CLEC3A: variants seen among roughly 807,000 people sequenced by gnomAD.
The protein encoded by CLEC3A is C-type (calcium dependent, carbohydrate-recognition domain) lectin, superfamily member 1 (cartilage-derived).
Under a neutral mutation model 20.4 loss-of-function variants are expected in CLEC3A, and 28 were observed. The ratio of observed to expected loss-of-function variants is 1.37; its 90% CI spans 1.02 to 1.88. The LOEUF is 1.88. CLEC3A is among the 40% of genes most tolerant of loss of function. The pLI is 0.00. For missense variants in CLEC3A, 357 were observed against 240.4 expected (o/e 1.48, Z -3.21); for synonymous variants, 110 against 88.1 (o/e 1.25, Z -1.39).
In CLEC3A at chr16:78,028,191, G is replaced by T; in HGVS notation, c.199+1G>T. The T allele has an allele frequency of 6.2e-7, 1 of 1,603,400 alleles. No homozygotes were observed. The highest frequency in any genetic ancestry group is 8.5e-7 in the Non-Finnish European group (1 of 1,176,834). ...AAGGAAATTCAAGCCCTGCAGACAGGTAAGGTGCAGACCTTCTCAGTGCCT... is the reference window on the plus strand; with the variant it reads ...AAGGAAATTCAAGCCCTGCAGACAGTTAAGGTGCAGACCTTCTCAGTGCCT... On this transcript the variant is annotated splice_donor_variant, in intron 2 of 2. Coordinates refer to ENST00000299642, the MANE Select transcript of CLEC3A (RefSeq NM_005752.6). LOFTEE classifies it high-confidence loss of function.
rs1301632469 is a variant in CLEC3A at position 78,022,665 on chromosome 16, C to T, written c.39C>T (p.Ile13=). 1.2e-6 allele frequency: 2 copies of T among 1,614,118 alleles called. No individual in the cohort carries two copies. The change falls in exon 1 of 3, where the codon ATC becomes ATT. Residue 13 remains isoleucine, a synonymous_variant. Transcript: ENST00000299642. ...GACTTGTAATTTGCATCCTGGTGAT[C>T]ACCTTACTCCTGGACCAGACCACCA... ...KNGLVICILV[I]TLLLDQTTSH...
At chr16:78,026,700 C>G (rs1410948050) in intron 1 of CLEC3A, among the ~76,000 whole-genome samples, 4 of 152,162 alleles carry the variant, frequency 2.6e-5, no homozygotes, top group African/African-American at 9.7e-5. Flanking sequence ...CTTTTGAAGA[C>G]CTCACAAGCT....
intron 2 of CLEC3A, among the ~76,000 whole-genome samples, chr16:78,028,654 T>G (rs1001867649): frequency 3.9e-5 from 6 of 152,250 alleles, no homozygotes; most frequent in East Asian, 1.9e-4. Context: ...CATGCGCTAC[T>G]GCCCAGGAGC....
In CLEC3A at chr16:78,028,325, G is replaced by C. The variant is rs2029986345; in HGVS notation, c.199+135G>C. 2 of 577,336 alleles carry C rather than the reference G, an allele frequency of 3.5e-6. 1 individual carries two copies. The highest frequency in any genetic ancestry group is 6.3e-5 in the East Asian group (2 of 31,980). The allele number at this position is 577,336 out of a possible 1,614,324, so 35.8% of individuals were successfully genotyped here. A position where few individuals can be genotyped will look rare whatever the true frequency, so the allele number is the denominator to read the frequency against. On this transcript the variant is annotated intron_variant, in intron 2 of 2. Transcript: ENST00000299642. ...GCCAATAAGAGGGCCCCAATGCCGGGAGATGATTGTTTTAGGAAATCAGCT... is the reference window on the plus strand; with the variant it reads ...GCCAATAAGAGGGCCCCAATGCCGGCAGATGATTGTTTTAGGAAATCAGCT...
chr16:78,024,999 G>A (rs1328643396), intron 1 of CLEC3A, among the ~76,000 whole-genome samples: 1 of 152,042 alleles, frequency 6.6e-6, no homozygotes, highest in Non-Finnish European at 1.5e-5. Context: ...GCTGATATTT[G>A]TACATACATC....
At chr16:78,027,661 T>C (rs147400648) in intron 1 of CLEC3A, among the ~76,000 whole-genome samples, 5 of 152,284 alleles carry the variant, frequency 3.3e-5, no homozygotes, top group African/African-American at 1.2e-4. Flanking sequence ...TTTTTGTTTG[T>C]TTGGTTTTTT....
chr16:78,024,562 A>C (rs2018788815), intron 1 of CLEC3A, among the ~76,000 whole-genome samples: 1 of 152,132 alleles, frequency 6.6e-6, no homozygotes. Flanking sequence ...TCATTCCCCC[A>C]GTATAGTTTT....
rs193293625 is a variant in CLEC3A at position 78,027,731 on chromosome 16, C to A, written c.116-376C>A. Among the ~76,000 whole-genome samples the A allele has an allele frequency of 1.5e-3, 233 of 152,246 alleles. 1 individual carries two copies. Among genetic ancestry groups the A allele is most frequent in the Admixed American group, 3.6e-3 (55 of 15,290 alleles). On this transcript the variant is annotated intron_variant, in intron 1 of 2. Transcript: ENST00000299642. ...AGTGCAGTGGAATGATCTTTGCTCA[C>A]TGCAACCTCTGCCTCCCAAGTTGAA...
intron 2 of CLEC3A, among the ~76,000 whole-genome samples, chr16:78,029,946 G>A (rs950027118): frequency 6.6e-6 from 1 of 151,980 alleles, no homozygotes. Context: ...GAGGTCAGGA[G>A]ATCGAGACCA....
chr16:78,024,391 C>T (rs529410846), intron 1 of CLEC3A, among the ~76,000 whole-genome samples: 1 of 152,022 alleles, frequency 6.6e-6, no homozygotes, highest in Non-Finnish European at 1.5e-5. Context: ...CAGGGGCCTC[C>T]CTCCCCTTCC....
At chr16:78,028,289 T>G in intron 2 of CLEC3A, 99 bp downstream of exon 2, 6 of 835,050 alleles carry the variant, frequency 7.2e-6, no homozygotes, top group Non-Finnish European at 1.1e-5. Context: ...CATTGACAAA[T>G]CAATAATGTG....
intron 1 of CLEC3A, among the ~76,000 whole-genome samples, chr16:78,023,269 G>C (rs1315473347): frequency 6.6e-6 from 1 of 152,050 alleles, no homozygotes; most frequent in Non-Finnish European, 1.5e-5. Flanking sequence ...GCAGCATAAG[G>C]ACAACCTATA....
chr16:78,030,423 A>G, intron 2 of CLEC3A, 24 bp from the exon 3 acceptor site: 2 of 1,563,766 alleles, frequency 1.3e-6, no homozygotes, highest in Non-Finnish European at 1.7e-6. Context: ...GCATCTTAAT[A>G]TGTTACACTT....
chr16:78,024,101 T>C (rs1364141693), intron 1 of CLEC3A, among the ~76,000 whole-genome samples: 4 of 152,200 alleles, frequency 2.6e-5, no homozygotes, highest in South Asian at 4.1e-4. Flanking sequence ...TAAGAAATAC[T>C]GTACTTCTTT....
chr16:78,028,753 C>A (rs2029999135), intron 2 of CLEC3A, among the ~76,000 whole-genome samples: 1 of 152,228 alleles, frequency 6.6e-6, no homozygotes, highest in South Asian at 2.1e-4. Flanking sequence ...GAGCTAATAT[C>A]CTTTGTAGCA....
At position 78,022,615 on chromosome 16, in the gene CLEC3A, T is replaced by A; in HGVS notation, c.-12T>A. On this transcript the variant is annotated 5_prime_UTR_variant, in exon 1 of 3. Coordinates refer to ENST00000299642, the MANE Select transcript of CLEC3A (RefSeq NM_005752.6). Reference sequence around the variant, plus strand: ...GGCTGGCAACATGGCTCAGCAGGCTTGCCCCAGAGCCATGGCAAAGAATGG... The same window carrying A: ...GGCTGGCAACATGGCTCAGCAGGCTAGCCCCAGAGCCATGGCAAAGAATGG... 1 of 1,613,830 alleles carries A rather than the reference T, an allele frequency of 6.2e-7. No individual in the cohort carries two copies. Among genetic ancestry groups the A allele is most frequent in the Non-Finnish European group, 8.5e-7 (1 of 1,179,888 alleles).
intron 1 of CLEC3A, among the ~76,000 whole-genome samples, chr16:78,025,435 A>G (rs2018799605): frequency 6.6e-6 from 1 of 152,200 alleles, no homozygotes; most frequent in Non-Finnish European, 1.5e-5. Context: ...ATACTTTCTA[A>G]TTGTCCCTCC....
In CLEC3A at chr16:78,030,933, T is replaced by G; in HGVS notation, c.*92T>G. On this transcript the variant is annotated 3_prime_UTR_variant, in exon 3 of 3. Coordinates refer to ENST00000299642, the MANE Select transcript of CLEC3A (RefSeq NM_005752.6). The stretch of plus-strand genomic sequence containing the variant: ...AAGTAAAAATCATAATTTTTACTTA[T>G]TAAAAAATTGCAACACAAGATCAAT... The G allele has an allele frequency of 4.3e-6, 6 of 1,390,062 alleles. No homozygotes were observed. Among genetic ancestry groups the G allele is most frequent in the Non-Finnish European group, 5.8e-6 (6 of 1,035,374 alleles). The allele number at this position is 1,390,062 out of a possible 1,614,324, so 86.1% of individuals were successfully genotyped here. A position where few individuals can be genotyped will look rare whatever the true frequency, so the allele number is the denominator to read the frequency against.
chr16:78,030,931 T>C lies in CLEC3A; in HGVS notation c.*90T>C. 2 of 1,400,438 alleles carry C rather than the reference T, an allele frequency of 1.4e-6. No individual in the cohort carries two copies. Among genetic ancestry groups the C allele is most frequent in the East Asian group, 4.8e-5 (2 of 42,000 alleles). 86.8% of individuals were successfully genotyped at this position (1,400,438 alleles called of 1,614,324 possible). On this transcript the variant is annotated 3_prime_UTR_variant, in exon 3 of 3. Transcript: ENST00000299642. The stretch of plus-strand genomic sequence containing the variant: ...TCAAGTAAAAATCATAATTTTTACT[T>C]ATTAAAAAATTGCAACACAAGATCA...
Sources: gnomAD v4.1 joint callset for allele counts (sites outside exome capture counted in the v4.1 genomes callset) on GRCh38, gnomAD v4.1.1 for gene constraint, MANE v1.5 for transcripts, NCBI Gene and HGNC (gene_info 2026-07-23, HGNC 2026-07-21) for gene names.